The following DLGAP1 variants were observed in gnomAD, a reference collection of about 807,000 sequenced individuals.
DLGAP1 encodes the protein disks large-associated protein 1.
Under a neutral mutation model 90.8 loss-of-function variants are expected in DLGAP1, and 11 were observed. The ratio of observed to expected loss-of-function variants is 0.12; its 90% CI spans 0.08 to 0.20. DLGAP1 has a LOEUF of 0.20. DLGAP1 is among the 10% of genes least tolerant of loss of function. DLGAP1 has a pLI of 1.00. For synonymous variants in DLGAP1, 558 were observed against 540.7 expected, an observed-to-expected ratio of 1.03 and a Z score of -0.44; for missense variants, 1,050 against 1,333.8, an observed-to-expected ratio of 0.79 and a Z score of 3.31.
intron 3 of DLGAP1, among the ~76,000 whole-genome samples, chr18:3,956,825 A>AT (rs2073095393): frequency 6.6e-6 from 1 of 151,406 alleles, no homozygotes; most frequent in Non-Finnish European, 1.5e-5. Flanking sequence ...TAATTTTTGT[A>AT]TTTTTTTGTA....
intron 3 of DLGAP1, among the ~76,000 whole-genome samples, chr18:3,895,300 CA>C (rs2071590035): frequency 1.3e-5 from 2 of 150,838 alleles, no homozygotes; most frequent in Admixed American, 6.6e-5. Flanking sequence ...CACACACACA[CA>C]CACACACACA....
intron 1 of DLGAP1, among the ~76,000 whole-genome samples, chr18:4,224,471 C>G (rs1327521772): frequency 2.6e-5 from 4 of 151,158 alleles, no homozygotes; most frequent in Non-Finnish European, 4.4e-5. Context: ...GAACCCACAT[C>G]CCTGAAGGGT....
At chr18:3,600,815 TATAG>T (rs2056906504) in intron 7 of DLGAP1, among the ~76,000 whole-genome samples, 2 of 129,448 alleles carry the variant, frequency 1.5e-5, no homozygotes, top group Non-Finnish European at 3.1e-5. Flanking sequence ...TATAGATATA[TATAG>T]ATATATAGAT....
In DLGAP1 at chr18:4,033,298, T is replaced by C. The variant is rs577436884; in HGVS notation, c.-158-28097A>G. 2.6e-5 allele frequency among the ~76,000 whole-genome samples: 4 copies of C among 152,040 alleles called. No homozygotes were observed. In the South Asian group the frequency reaches 8.3e-4, roughly 32 times the overall value. ...CAGAGCTGGAAAGCTTGGGGTCTGT[T>C]TGGCATACAAGATTGTCTTCAAGGT... On this transcript the variant is annotated intron_variant, in intron 2 of 12. Transcript: ENST00000315677.
intron 1 of DLGAP1, among the ~76,000 whole-genome samples, chr18:4,413,506 C>T (rs755841930): frequency 2.0e-5 from 3 of 152,162 alleles, no homozygotes; most frequent in Non-Finnish European, 2.9e-5. Context: ...ACAGAACCTC[C>T]CTCCCCTACT....
At chr18:3,760,463 A>T (rs1051203316) in intron 5 of DLGAP1, among the ~76,000 whole-genome samples, 1 of 152,120 alleles carries the variant, frequency 6.6e-6, no homozygotes, top group Non-Finnish European at 1.5e-5. Context: ...CTATCTTAAT[A>T]CTTCAATGTG....
intron 1 of DLGAP1, among the ~76,000 whole-genome samples, chr18:4,447,364 T>A (rs1365295518): frequency 6.6e-6 from 1 of 152,190 alleles, no homozygotes; most frequent in Admixed American, 6.5e-5. Flanking sequence ...ACAATTACAG[T>A]AAGGTAAAGA....
chr18:3,885,472 G>A (rs1358687636), intron 3 of DLGAP1: 1 of 152,226 alleles, frequency 6.6e-6, no homozygotes, highest in African/African-American at 2.4e-5. Flanking sequence ...AACATGAAAA[G>A]AGATAAATAA....
At chr18:3,908,260 T>C (rs73940274) in intron 3 of DLGAP1, among the ~76,000 whole-genome samples, 1,611 of 152,294 alleles carry the variant, frequency 0.011, 28 homozygotes, top group African/African-American at 0.036. Context: ...GAGGGATATA[T>C]GCATGATTAT....
intron 1 of DLGAP1, among the ~76,000 whole-genome samples, chr18:4,181,382 A>G (rs2077204744): frequency 6.6e-6 from 1 of 152,162 alleles, no homozygotes; most frequent in Admixed American, 6.5e-5. Context: ...TAAGACATGG[A>G]CTAACAAACC....
chr18:4,121,432 C>T (rs750098674), intron 2 of DLGAP1, among the ~76,000 whole-genome samples: 23 of 152,060 alleles, frequency 1.5e-4, no homozygotes, highest in Non-Finnish European at 3.1e-4. Flanking sequence ...TAGCAAAGAA[C>T]CCTGCTAAGT....
chr18:3,951,757 T>C (rs1259143839), intron 3 of DLGAP1, among the ~76,000 whole-genome samples: 1 of 152,214 alleles, frequency 6.6e-6, no homozygotes, highest in Non-Finnish European at 1.5e-5. Flanking sequence ...AGAGATCTGA[T>C]GGTTTTATAA....
intron 1 of DLGAP1, among the ~76,000 whole-genome samples, chr18:4,289,862 C>T (rs77387313): frequency 0.024 from 3,720 of 152,198 alleles, 170 homozygotes; most frequent in African/African-American, 0.085. Context: ...GAGCTCTGTA[C>T]AGTAAATGGT....
chr18:4,000,528 G>C (rs1054345968), intron 3 of DLGAP1, among the ~76,000 whole-genome samples: 1 of 152,186 alleles, frequency 6.6e-6, no homozygotes, highest in African/African-American at 2.4e-5. Context: ...CTCACCGCCA[G>C]TTCTATTGTC....
At chr18:3,567,615 A>C (rs773582276) in intron 8 of DLGAP1, 34 bp from the exon 9 acceptor site, 15 of 1,566,640 alleles carry the variant, frequency 9.6e-6, no homozygotes, top group Non-Finnish European at 9.6e-6. Context: ...GAGTTGTTCC[A>C]TTTCAGTCAT....
In DLGAP1 at chr18:3,879,265, G is replaced by A; in HGVS notation, c.804C>T (p.Ser268=). Reference sequence around the variant, plus strand: ...TCTTCTTCAGCAGCGGGGTGTCCAGGCTGACCGGCAGGTTGGCGCAGGTGG... The same window carrying A: ...TCTTCTTCAGCAGCGGGGTGTCCAGACTGACCGGCAGGTTGGCGCAGGTGG... ...KCSTCANLPV[S]LDTPLLKKSA... is the part of the protein sequence containing the mutation. The change falls in exon 4 of 13, where the codon AGC becomes AGT. Residue 268 remains serine, a synonymous_variant. Transcript: ENST00000315677. The surrounding 1 kb of genome is among the most constrained non-coding windows in gnomAD (Gnocchi z 6.6). 1 of 1,599,900 alleles carries A rather than the reference G, an allele frequency of 6.3e-7. No homozygotes were observed. The highest frequency in any genetic ancestry group is 1.1e-5 in the South Asian group (1 of 88,638).
intron 1 of DLGAP1, among the ~76,000 whole-genome samples, chr18:4,391,139 G>A (rs938215682): frequency 2.0e-5 from 3 of 152,172 alleles, no homozygotes; most frequent in Non-Finnish European, 4.4e-5. Context: ...TCACAAAACA[G>A]ACATATATAT....
At chr18:4,237,947 A>G (rs1229958801) in intron 1 of DLGAP1, among the ~76,000 whole-genome samples, 1 of 152,172 alleles carries the variant, frequency 6.6e-6, no homozygotes, top group Non-Finnish European at 1.5e-5. Context: ...TTACCTGAAG[A>G]AAAATCTGTA....
At chr18:3,931,347 G>A (rs186126302) in intron 3 of DLGAP1, among the ~76,000 whole-genome samples, 39 of 152,264 alleles carry the variant, frequency 2.6e-4, no homozygotes, top group Middle Eastern at 3.4e-3. Flanking sequence ...ACTCAGTTCT[G>A]CCCTGTTCAC....
Sources: gnomAD v4.1 joint callset for allele counts (sites outside exome capture counted in the v4.1 genomes callset) on GRCh38, gnomAD v4.1.1 for gene constraint, Gnocchi (gnomAD v3.1) non-coding constraint, MANE v1.5 for transcripts, NCBI Gene and HGNC (gene_info 2026-07-23, HGNC 2026-07-21) for gene names.